PLCL1: variants seen among roughly 807,000 people sequenced by gnomAD.
PLCL1 encodes the protein inactive phospholipase C-like protein 1.
Under a neutral mutation model 84.4 loss-of-function variants are expected in PLCL1, and 41 were observed. The observed-to-expected ratio is 0.49, with a 90% CI of 0.38 to 0.63. The LOEUF (loss-of-function observed/expected upper bound fraction) is 0.63, where lower values mean the gene tolerates loss of function less well. Ranked by LOEUF, PLCL1 falls within the 30% of genes least tolerant of loss-of-function variation. PLCL1 has a pLI of 0.00. For synonymous variants in PLCL1, 490 were observed against 488.3 expected (o/e 1.00, Z -0.05); for missense variants, 1,206 against 1,367.8 (o/e 0.88, Z 1.87).
At chr2:197,932,354 T>G (rs1438098049) in intron 1 of PLCL1, among the ~76,000 whole-genome samples, 1 of 152,184 alleles carries the variant, frequency 6.6e-6, no homozygotes, top group African/African-American at 2.4e-5. Flanking sequence ...TTGACAACTA[T>G]TTTTTAAAAA....
intron 1 of PLCL1, among the ~76,000 whole-genome samples, chr2:197,998,536 C>T (rs530407001): frequency 6.5e-4 from 99 of 152,204 alleles, no homozygotes; most frequent in African/African-American, 2.3e-3. Context: ...ATTGCCCACT[C>T]GAACTACTTC....
intron 1 of PLCL1, among the ~76,000 whole-genome samples, chr2:197,953,975 A>G (rs527433039): frequency 2.0e-5 from 3 of 152,150 alleles, no homozygotes; most frequent in East Asian, 1.9e-4. Context: ...ACACATCTCC[A>G]TGATGGGACA....
At chr2:198,083,467 G>A (rs1692770902) in intron 1 of PLCL1, among the ~76,000 whole-genome samples, 1 of 152,172 alleles carries the variant, frequency 6.6e-6, no homozygotes. Flanking sequence ...ACCAGCATGA[G>A]GTTCTTAAGA....
At chr2:197,998,342 TAAC>T (rs1690519029) in intron 1 of PLCL1, among the ~76,000 whole-genome samples, 1 of 152,116 alleles carries the variant, frequency 6.6e-6, no homozygotes, top group African/African-American at 2.4e-5. Context: ...TATTCTCAAC[TAAC>T]ATTCTTCTTA....
intron 1 of PLCL1, among the ~76,000 whole-genome samples, chr2:197,821,624 G>A (rs1328866035): frequency 1.3e-5 from 2 of 152,138 alleles, no homozygotes; most frequent in Non-Finnish European, 2.9e-5. Flanking sequence ...GATGAGGAAA[G>A]TGGAGAGCAA....
intron 1 of PLCL1, among the ~76,000 whole-genome samples, chr2:197,967,541 G>T (rs1689769822): frequency 6.6e-6 from 1 of 152,194 alleles, no homozygotes; most frequent in African/African-American, 2.4e-5. Context: ...CTGCTCAAAA[G>T]TAGGAACACT....
chr2:198,031,036 C>T (rs1323868241), intron 1 of PLCL1, among the ~76,000 whole-genome samples: 2 of 152,004 alleles, frequency 1.3e-5, no homozygotes, highest in South Asian at 2.1e-4. Context: ...AACAAAATGC[C>T]ATACATCATG....
At chr2:197,957,262 G>A (rs1310241257) in intron 1 of PLCL1, among the ~76,000 whole-genome samples, 1 of 151,902 alleles carries the variant, frequency 6.6e-6, no homozygotes, top group African/African-American at 2.4e-5. Flanking sequence ...TATTTCTTGT[G>A]TGTAAGTTCT....
At chr2:197,998,896 T>C (rs1257872673) in intron 1 of PLCL1, among the ~76,000 whole-genome samples, 2 of 152,156 alleles carry the variant, frequency 1.3e-5, no homozygotes, top group African/African-American at 4.8e-5. Context: ...CCCACATGAT[T>C]GTGAATCACC....
In PLCL1 at chr2:197,929,155, A is replaced by G. The variant is rs572428603; in HGVS notation, c.240+123816A>G. On this transcript the variant is annotated intron_variant, in intron 1 of 5. Transcript: ENST00000428675. Reference sequence around the variant, plus strand: ...GTCATTTTCTAGCCTCATTAATGCCATAGTGACATTTGTTATACTGTACTG... The same window carrying G: ...GTCATTTTCTAGCCTCATTAATGCCGTAGTGACATTTGTTATACTGTACTG... Among the ~76,000 whole-genome samples, 383 of 152,314 alleles carry G rather than the reference A, an allele frequency of 2.5e-3. 2 individuals are homozygous for G. Among genetic ancestry groups the G allele is most frequent in the Non-Finnish European group, 4.3e-3 (295 of 68,026 alleles).
intron 1 of PLCL1, among the ~76,000 whole-genome samples, chr2:197,858,496 G>T (rs894513630): frequency 1.3e-5 from 2 of 151,906 alleles, no homozygotes; most frequent in Non-Finnish European, 2.9e-5. Context: ...ATATTTTTGG[G>T]TTTATAATTA....
At chr2:197,938,213 A>G (rs1003463513) in intron 1 of PLCL1, among the ~76,000 whole-genome samples, 11 of 152,150 alleles carry the variant, frequency 7.2e-5, no homozygotes, top group African/African-American at 2.4e-4. Context: ...TCAGTGCATC[A>G]TCAGTTTATG....
At position 198,085,419 on chromosome 2, in the gene PLCL1, T is replaced by C. The variant is rs192506104; in HGVS notation, c.1902T>C (p.Tyr634=). 5 of 1,612,306 alleles carry C rather than the reference T, an allele frequency of 3.1e-6. No homozygotes were observed. The East Asian group carries it at 8.9e-5, about 29-fold the overall frequency. Residue 634 remains tyrosine (Y), a synonymous_variant, in exon 2 of 6, where the codon TAT becomes TAC. Coordinates refer to ENST00000428675, the MANE Select transcript of PLCL1 (RefSeq NM_006226.4). The surrounding 1 kb of genome is among the most constrained non-coding windows in gnomAD (Gnocchi z 5.3). ...ANEYPEDFVN[Y]NKKFLSRIYP... ...AGTACCCAGAGGATTTTGTTAATTA[T>C]AATAAGAAGTTCTTATCAAGAATCT...
intron 1 of PLCL1, among the ~76,000 whole-genome samples, chr2:197,879,036 G>A (rs1284461941): frequency 6.6e-6 from 1 of 152,206 alleles, no homozygotes; most frequent in African/African-American, 2.4e-5. Flanking sequence ...AGGGGCAGTT[G>A]TCTTCCTCCC....
intron 1 of PLCL1, among the ~76,000 whole-genome samples, chr2:197,902,384 G>C (rs1688284868): frequency 6.6e-6 from 1 of 152,180 alleles, no homozygotes; most frequent in South Asian, 2.1e-4. Context: ...GGTCATCCAA[G>C]TAATTGTTGG....
At chr2:197,853,436 A>T (rs1048875756) in intron 1 of PLCL1, among the ~76,000 whole-genome samples, 1 of 152,086 alleles carries the variant, frequency 6.6e-6, no homozygotes, top group Non-Finnish European at 1.5e-5. Context: ...TAATTTTTTG[A>T]GGAACTGTGA....
intron 1 of PLCL1, among the ~76,000 whole-genome samples, chr2:197,899,497 A>G (rs1428785532): frequency 6.6e-6 from 1 of 152,176 alleles, no homozygotes; most frequent in Non-Finnish European, 1.5e-5. Context: ...ATAATAGTAG[A>G]AGGTTTATGA....
At chr2:197,915,936 TAA>T (rs1688591619) in intron 1 of PLCL1, among the ~76,000 whole-genome samples, 1 of 152,206 alleles carries the variant, frequency 6.6e-6, no homozygotes, top group African/African-American at 2.4e-5. Flanking sequence ...GAGAAATAGC[TAA>T]GTTAGCATCA....
At chr2:198,024,297 G>A (rs1253168345) in intron 1 of PLCL1, among the ~76,000 whole-genome samples, 1 of 152,054 alleles carries the variant, frequency 6.6e-6, no homozygotes, top group East Asian at 1.9e-4. Context: ...ACCTAATGTG[G>A]ATGACGGGTT....
Sources: allele counts gnomAD v4.1 joint callset (sites outside exome capture counted in the v4.1 genomes callset), GRCh38; gene constraint gnomAD v4.1.1; non-coding constraint Gnocchi (gnomAD v3.1); transcripts MANE v1.5; gene names NCBI Gene and HGNC (gene_info 2026-07-23, HGNC 2026-07-21).